The following RBFOX1 variants were observed in gnomAD, a reference collection of about 807,000 sequenced individuals.
RBFOX1 encodes the protein RNA binding fox-1 homolog 1.
RBFOX1 carries 8 observed loss-of-function variants against 57.7 expected under a neutral mutation model. That is an observed-to-expected ratio of 0.14 (90% CI 0.08 to 0.25). The LOEUF is 0.25. Ranked by LOEUF, RBFOX1 falls within the 10% of genes least tolerant of loss-of-function variation. RBFOX1 has a pLI of 1.00. For missense variants in RBFOX1, 611 were observed against 548.5 expected (o/e 1.11, Z -1.14); for synonymous variants, 326 against 222.4 (o/e 1.47, Z -4.15).
At chr16:5,281,804 CTG>C (rs1202537534) in intron 1 of RBFOX1, among the ~76,000 whole-genome samples, 1 of 152,136 alleles carries the variant, frequency 6.6e-6, no homozygotes, top group Admixed American at 6.5e-5. Context: ...CACTTTCAGT[CTG>C]TGTGTGTCTT....
chr16:5,916,266 G>A (rs2043630), intron 4 of RBFOX1, among the ~76,000 whole-genome samples: 40,568 of 151,882 alleles, frequency 0.27, 6,113 homozygotes, highest in East Asian at 0.47. Flanking sequence ...ATCCATAACA[G>A]CTCTAATTCT....
chr16:5,665,133 G>GGA (rs1555497012), intron 3 of RBFOX1, among the ~76,000 whole-genome samples: 3 of 140,940 alleles, frequency 2.1e-5, no homozygotes, highest in Non-Finnish European at 1.6e-5. Flanking sequence ...TTTTTACATG[G>GGA]GGGGGGGCGG....
intron 3 of RBFOX1, among the ~76,000 whole-genome samples, chr16:5,630,830 C>G (rs923795280): frequency 3.3e-5 from 5 of 152,170 alleles, no homozygotes; most frequent in African/African-American, 1.2e-4. Context: ...ATGAGGAAGT[C>G]ATTTCAGAGG....
intron 4 of RBFOX1, among the ~76,000 whole-genome samples, chr16:7,195,789 G>A (rs2086555472): frequency 6.6e-6 from 1 of 152,144 alleles, no homozygotes; most frequent in East Asian, 1.9e-4. Flanking sequence ...CTGACCTCAG[G>A]TAATCTGCCT....
intron 2 of RBFOX1, among the ~76,000 whole-genome samples, chr16:5,495,877 G>A (rs773377352): frequency 1.6e-4 from 25 of 152,226 alleles, no homozygotes; most frequent in Non-Finnish European, 3.1e-4. Flanking sequence ...TGTAATCCCG[G>A]CACTGTGGGA....
At chr16:7,599,316 T>C (rs1191711512) in intron 9 of RBFOX1, among the ~76,000 whole-genome samples, 1 of 152,250 alleles carries the variant, frequency 6.6e-6, no homozygotes, top group Non-Finnish European at 1.5e-5. Context: ...CTTGTCTACA[T>C]ATGACTAGCT....
intron 1 of RBFOX1, among the ~76,000 whole-genome samples, chr16:6,054,439 C>T (rs1411552105): frequency 2.0e-5 from 3 of 152,182 alleles, no homozygotes; most frequent in Admixed American, 6.5e-5. Flanking sequence ...AGATCTCCAG[C>T]GTCAGGTTTC....
chr16:5,816,953 C>T (rs1019154179), intron 3 of RBFOX1, among the ~76,000 whole-genome samples: 3 of 152,162 alleles, frequency 2.0e-5, no homozygotes, highest in African/African-American at 7.2e-5. Context: ...TCTGTGTTCT[C>T]TTTGTTTTTG....
chr16:7,476,234 A>C (rs2062678350), intron 4 of RBFOX1, among the ~76,000 whole-genome samples: 1 of 152,196 alleles, frequency 6.6e-6, no homozygotes, highest in Non-Finnish European at 1.5e-5. Flanking sequence ...AGGCCTCCCA[A>C]AGTGCTGAAA....
chr16:6,298,546 G>A (rs182683528), intron 1 of RBFOX1, among the ~76,000 whole-genome samples: 68 of 152,268 alleles, frequency 4.5e-4, no homozygotes, highest in Non-Finnish European at 6.8e-4. Flanking sequence ...TCAGTTGAAC[G>A]CAGCTGTAAA....
At chr16:5,336,529 G>A (rs1303406468) in intron 1 of RBFOX1, among the ~76,000 whole-genome samples, 1 of 152,160 alleles carries the variant, frequency 6.6e-6, no homozygotes, top group Non-Finnish European at 1.5e-5. Context: ...AGCCGTCCTA[G>A]GTATGGTCAG....
intron 3 of RBFOX1, among the ~76,000 whole-genome samples, chr16:6,872,861 CAA>C (rs1440837630): frequency 6.6e-6 from 1 of 152,114 alleles, no homozygotes; most frequent in African/African-American, 2.4e-5. Flanking sequence ...TATAACAATT[CAA>C]AGACTCCATG....
At chr16:6,020,267 C>T (rs994901809) in intron 1 of RBFOX1, among the ~76,000 whole-genome samples, 16 of 152,090 alleles carry the variant, frequency 1.1e-4, no homozygotes, top group African/African-American at 3.9e-4. Flanking sequence ...AGCATCCAGG[C>T]TACCTCGTCC....
intron 1 of RBFOX1, among the ~76,000 whole-genome samples, chr16:5,255,359 TC>T (rs1567240593): frequency 6.9e-6 from 1 of 145,870 alleles, no homozygotes; most frequent in African/African-American, 2.8e-5. Flanking sequence ...CATCCCTCCA[TC>T]CATCCATCCA....
At chr16:6,351,984 G>A (rs2086487529) in intron 2 of RBFOX1, among the ~76,000 whole-genome samples, 1 of 152,164 alleles carries the variant, frequency 6.6e-6, no homozygotes. Flanking sequence ...ACCAGCATTT[G>A]AGTTCATGGC....
intron 4 of RBFOX1, among the ~76,000 whole-genome samples, chr16:7,358,206 A>G (rs1239486304): frequency 6.6e-6 from 1 of 152,238 alleles, no homozygotes; most frequent in Non-Finnish European, 1.5e-5. Flanking sequence ...GAGGGTTGAT[A>G]AACCTTTGAA....
At chr16:6,545,885 G>A (rs1436151907) in intron 2 of RBFOX1, among the ~76,000 whole-genome samples, 1 of 152,170 alleles carries the variant, frequency 6.6e-6, no homozygotes, top group Admixed American at 6.5e-5. Context: ...GGTGTCTGAT[G>A]CCAGGCCTAA....
chr16:5,770,010 A>G (rs1191061297), intron 3 of RBFOX1, among the ~76,000 whole-genome samples: 3 of 152,190 alleles, frequency 2.0e-5, no homozygotes, highest in East Asian at 3.9e-4. Flanking sequence ...CAGAGGGTGG[A>G]GGCAGATAGA....
At chr16:6,751,825 G>C (rs2074979830) in intron 3 of RBFOX1, among the ~76,000 whole-genome samples, 1 of 152,130 alleles carries the variant, frequency 6.6e-6, no homozygotes, top group Admixed American at 6.6e-5. Context: ...TCATAACAAA[G>C]CTGTCTCTGA....
Sources: gnomAD v4.1 joint callset for allele counts (sites outside exome capture counted in the v4.1 genomes callset) on GRCh38, gnomAD v4.1.1 for gene constraint, MANE v1.5 for transcripts, NCBI Gene and HGNC (gene_info 2026-07-23, HGNC 2026-07-21) for gene names.